The following SYN2 variants were observed in gnomAD, a reference collection of about 807,000 sequenced individuals.
SYN2 encodes synapsin-2.
In SYN2, 19 loss-of-function variants were observed where a neutral mutation model predicts 50.9. That is an observed-to-expected ratio of 0.37 (90% CI 0.26 to 0.55). The LOEUF (loss-of-function observed/expected upper bound fraction) is 0.55. Ranked by LOEUF, SYN2 falls within the 20% of genes least tolerant of loss-of-function variation. The pLI, the probability that SYN2 is intolerant of heterozygous loss-of-function variation, is 0.81. For synonymous variants in SYN2, 255 were observed against 224.9 expected, an observed-to-expected ratio of 1.13 and a Z score of -1.20; for missense variants, 587 against 576.4, an observed-to-expected ratio of 1.02 and a Z score of -0.19.
intron 4 of SYN2, among the ~76,000 whole-genome samples, chr3:12,150,909 T>TG (rs1697270250): frequency 6.6e-6 from 1 of 152,032 alleles, no homozygotes; most frequent in South Asian, 2.1e-4. Context: ...AGCTTCACCT[T>TG]GCAGTTCTGT....
Position 12,168,485 on chromosome 3 carries a change from C to G in SYN2, c.1158+7C>G. ...GAAAGACTACATTTTTGAGGTAAGT[C>G]TGGACCAAGCAGTAAGAGGTAACTC... On this transcript the variant is annotated splice_region_variant and intron_variant, in intron 9 of 12. Coordinates refer to ENST00000621198, the MANE Select transcript of SYN2 (RefSeq NM_133625.6). The G allele has an allele frequency of 2.5e-6, 4 of 1,611,732 alleles. No individual in the cohort carries two copies. Among genetic ancestry groups the G allele is most frequent in the Non-Finnish European group, 3.4e-6 (4 of 1,178,426 alleles).
chr3:12,088,438 G>A (rs774481774), intron 1 of SYN2, among the ~76,000 whole-genome samples: 2 of 152,118 alleles, frequency 1.3e-5, no homozygotes, highest in Non-Finnish European at 2.9e-5. Context: ...AAGAAAAAGG[G>A]TGCACTATTG....
intron 1 of SYN2, among the ~76,000 whole-genome samples, chr3:12,108,045 T>C (rs1163313325): frequency 1.3e-5 from 2 of 152,034 alleles, no homozygotes; most frequent in Non-Finnish European, 2.9e-5. Context: ...ACCCTGTCTC[T>C]ACAAAAAATA....
At chr3:12,046,710 C>T (rs1025914180) in intron 1 of SYN2, among the ~76,000 whole-genome samples, 2 of 151,808 alleles carry the variant, frequency 1.3e-5, no homozygotes, top group South Asian at 2.1e-4. Flanking sequence ...AAGTAGCAAA[C>T]GTGGAGATGA....
intron 1 of SYN2, among the ~76,000 whole-genome samples, chr3:12,123,145 A>G (rs1336805618): frequency 6.6e-6 from 1 of 152,234 alleles, no homozygotes; most frequent in Non-Finnish European, 1.5e-5. Context: ...AGCAATAGTT[A>G]TAGAAGGAAG....
In SYN2 at chr3:12,162,164, A is replaced by C. The variant is rs1697669085; in HGVS notation, c.980+10A>C. 1.2e-6 allele frequency: 2 copies of C among 1,613,894 alleles called. No individual in the cohort carries two copies. The highest frequency in any genetic ancestry group is 2.2e-5 in the East Asian group (1 of 44,882). On this transcript the variant is annotated intron_variant, in intron 7 of 12. Transcript: ENST00000621198. ...ACTACAAGGCTTACATGTGAGTAAG[A>C]GTGGGGTATGTTTTCTCCTCAGTGA...
At chr3:12,187,135 C>T (rs1253373599) in intron 11 of SYN2, among the ~76,000 whole-genome samples, 1 of 152,144 alleles carries the variant, frequency 6.6e-6, no homozygotes, top group Non-Finnish European at 1.5e-5. Context: ...TCCTCCTTGT[C>T]CTGCTGACTG....
intron 1 of SYN2, among the ~76,000 whole-genome samples, chr3:12,047,880 G>GT (rs1234217010): frequency 3.3e-5 from 5 of 152,300 alleles, no homozygotes; most frequent in South Asian, 2.1e-4. Flanking sequence ...CATTTAACCT[G>GT]TTTTTTGCTG....
chr3:12,071,142 C>T (rs1306959127), intron 1 of SYN2: 2 of 557,378 alleles, frequency 3.6e-6, no homozygotes, highest in Non-Finnish European at 7.2e-6. Flanking sequence ...TGTCCAGCGG[C>T]ACTACCATGT....
chr3:12,156,862 C>T (rs745773299), intron 5 of SYN2: 2 of 1,614,208 alleles, frequency 1.2e-6, no homozygotes, highest in South Asian at 1.1e-5. Context: ...TCTAGTTTCA[C>T]ACCACAGAGG....
At chr3:12,094,899 A>G (rs1391425939) in intron 1 of SYN2, among the ~76,000 whole-genome samples, 2 of 152,180 alleles carry the variant, frequency 1.3e-5, no homozygotes, top group Non-Finnish European at 2.9e-5. Context: ...GAGTTTAATT[A>G]TATGTTGAAT....
chr3:12,161,741 T>C, intron 6 of SYN2, 133 bp downstream of exon 6: 1 of 1,174,044 alleles, frequency 8.5e-7, no homozygotes, highest in Non-Finnish European at 1.2e-6. Flanking sequence ...TTGCCACCTC[T>C]AAAGCCATGA....
At chr3:12,153,420 A>G (rs924301258) in intron 5 of SYN2, 1 of 1,407,128 alleles carries the variant, frequency 7.1e-7, no homozygotes, top group African/African-American at 1.4e-5. Context: ...AGCTGGCAGC[A>G]AGAGGTCAGG....
In SYN2 at chr3:12,070,638, G is replaced by A; in HGVS notation, c.377+65710G>A. On this transcript the variant is annotated intron_variant, in intron 1 of 12. Transcript: ENST00000621198. ...CTTCAACACCCTGTCCATGTACGTG[G>A]CCATCCAGGCCATGCTGTCCCTCTA... is the stretch of plus-strand genomic sequence containing the variant. 2.9e-6 allele frequency: 4 copies of A among 1,359,648 alleles called. No individual in the cohort carries two copies. In the South Asian group the frequency reaches 4.6e-5, roughly 16 times the overall value. The allele number at this position is 1,359,648 out of a possible 1,614,324, so 84.2% of individuals were successfully genotyped here.
intron 1 of SYN2, among the ~76,000 whole-genome samples, chr3:12,062,137 A>G (rs1695124180): frequency 6.6e-6 from 1 of 152,044 alleles, no homozygotes. Context: ...CATTGTAGTT[A>G]TCCATGCAGT....
chr3:12,169,651 C>A (rs1697891823), intron 9 of SYN2, 106 bp from the exon 10 acceptor site: 1 of 1,279,152 alleles, frequency 7.8e-7, no homozygotes, highest in African/African-American at 1.5e-5. Flanking sequence ...CCTGCTTCAT[C>A]TCCAGTCCAT....
At chr3:12,145,352 C>T (rs558784274) in intron 3 of SYN2, among the ~76,000 whole-genome samples, 8 of 152,172 alleles carry the variant, frequency 5.3e-5, no homozygotes, top group Non-Finnish European at 8.8e-5. Context: ...GCCTGGGCAA[C>T]AAAGTAAGAC....
At chr3:12,041,032 T>A (rs966884776) in intron 1 of SYN2, among the ~76,000 whole-genome samples, 28 of 152,108 alleles carry the variant, frequency 1.8e-4, no homozygotes, top group African/African-American at 6.5e-4. Flanking sequence ...GGTGTAGGAG[T>A]GAGAGCTTAT....
At chr3:12,088,359 G>A (rs1035765496) in intron 1 of SYN2, among the ~76,000 whole-genome samples, 2 of 149,714 alleles carry the variant, frequency 1.3e-5, no homozygotes, top group Non-Finnish European at 2.9e-5. Flanking sequence ...ACCACAGTGA[G>A]ATAACATCTC....
Sources: gnomAD v4.1 joint callset for allele counts (sites outside exome capture counted in the v4.1 genomes callset) on GRCh38, gnomAD v4.1.1 for gene constraint, MANE v1.5 for transcripts, NCBI Gene and HGNC (gene_info 2026-07-23, HGNC 2026-07-21) for gene names.